The following CDKL5 variants were observed in gnomAD, a reference collection of about 807,000 sequenced individuals.
CDKL5 encodes the protein cyclin dependent kinase like 5, also known as cyclin-dependent kinase-like 5.
CDKL5 carries 8 observed loss-of-function variants against 61.7 expected under a neutral mutation model. The ratio of observed to expected loss-of-function variants is 0.13; its 90% CI spans 0.08 to 0.23. The LOEUF (loss-of-function observed/expected upper bound fraction) is 0.23. Among genes scored for constraint, CDKL5 ranks in the 10% least tolerant of loss-of-function variants. CDKL5 has a pLI of 1.00. For missense variants in CDKL5, 440 were observed against 734.5 expected (o/e 0.60, Z 4.63); for synonymous variants, 275 against 272.3 (o/e 1.01, Z -0.10).
At chrX:18,502,789 ATCC>A (rs1351917972) in intron 1 of CDKL5, among the ~76,000 whole-genome samples, 1 of 111,990 alleles carries the variant, frequency 8.9e-6, no homozygotes, top group African/African-American at 3.2e-5. Context: ...TCAGTAGGGC[ATCC>A]TGCCAGATCC....
At chrX:18,455,481 T>A (rs1325449112) in intron 1 of CDKL5, among the ~76,000 whole-genome samples, 1 of 112,491 alleles carries the variant, frequency 8.9e-6, no homozygotes, top group South Asian at 3.6e-4. Flanking sequence ...AACTAGATAG[T>A]TAACCATTAG....
At chrX:18,622,899 G>A (rs1356917459) in intron 16 of CDKL5, among the ~76,000 whole-genome samples, 1 of 111,938 alleles carries the variant, frequency 8.9e-6, no homozygotes, top group Non-Finnish European at 1.9e-5. Flanking sequence ...CCTGTCATTG[G>A]AACAAGAAAA....
intron 15 of CDKL5, among the ~76,000 whole-genome samples, 169 bp from the exon 16 acceptor site, chrX:18,619,698 A>G (rs1243979312): frequency 8.9e-6 from 1 of 112,028 alleles, no homozygotes; most frequent in African/African-American, 3.2e-5. Flanking sequence ...ACCATGGTTG[A>G]TTAAATTTAG....
intron 14 of CDKL5, among the ~76,000 whole-genome samples, chrX:18,610,295 T>C (rs887988223): frequency 8.9e-6 from 1 of 112,666 alleles, no homozygotes; most frequent in African/African-American, 3.2e-5. Flanking sequence ...TGGCCTGTAA[T>C]GTACTCTTCC....
At chrX:18,444,358 C>T (rs557972519) in intron 1 of CDKL5, among the ~76,000 whole-genome samples, 4 of 111,872 alleles carry the variant, frequency 3.6e-5, no homozygotes, top group African/African-American at 1.3e-4. Flanking sequence ...CTAATTTCCT[C>T]TTTGGCTGTG....
At chrX:18,603,593 A>T (rs750138867) in intron 11 of CDKL5, among the ~76,000 whole-genome samples, 1 of 112,476 alleles carries the variant, frequency 8.9e-6, no homozygotes, top group Non-Finnish European at 1.9e-5. Flanking sequence ...AAACACTCAT[A>T]TGAGTACCAA....
intron 16 of CDKL5, among the ~76,000 whole-genome samples, chrX:18,621,535 G>A (rs1250998881): frequency 1.8e-5 from 2 of 111,652 alleles, no homozygotes; most frequent in Non-Finnish European, 3.8e-5. Flanking sequence ...GTGGCAAGAA[G>A]GTGGGGTTTT....
downstream of CDKL5, chrX:18,641,703 T>C: frequency 3.0e-6 from 1 of 331,530 alleles, no homozygotes; most frequent in Non-Finnish European, 5.4e-6. Flanking sequence ...TTTCACAGTA[T>C]CACTGAGACA....
At chrX:18,576,148 G>A (rs1413805310) in intron 5 of CDKL5, among the ~76,000 whole-genome samples, 1 of 111,702 alleles carries the variant, frequency 9.0e-6, no homozygotes, top group Admixed American at 9.5e-5. Flanking sequence ...TTGGAGAGGG[G>A]CCTGGTGCAG....
intron 1 of CDKL5, among the ~76,000 whole-genome samples, chrX:18,453,696 A>G (rs1365031427): frequency 9.0e-6 from 1 of 111,345 alleles, no homozygotes; most frequent in African/African-American, 3.3e-5. Context: ...GTCCATATAT[A>G]TTTCCTGTCT....
Position 18,636,691 on chromosome X carries a change from A to G in CDKL5, c.*7934A>G, listed in dbSNP as rs1324078443. The G allele has an allele frequency of 2.7e-5, 3 of 111,833 alleles. No individual in the cohort carries two copies. The highest frequency in any genetic ancestry group is 5.6e-5 in the Non-Finnish European group (3 of 53,231). The allele number at this position is 111,833 out of a possible 1,213,427, so 9.2% of individuals were successfully genotyped here. ...AGGTTATATTAAAAACTTTGCCTGA[A>G]GTTTACTCTAGGTGCAGAAATAAAG... On this transcript the variant is annotated 3_prime_UTR_variant, in exon 18 of 18. Transcript: ENST00000623535.
chrX:18,542,495 G>T (rs1276915413), intron 3 of CDKL5, among the ~76,000 whole-genome samples: 1 of 110,677 alleles, frequency 9.0e-6, no homozygotes, highest in Non-Finnish European at 1.9e-5. Context: ...CTCTTTGTCT[G>T]TGCCCATGGG....
chrX:18,643,709 A>T (rs770909709), downstream of CDKL5, among the ~76,000 whole-genome samples: 1 of 111,860 alleles, frequency 8.9e-6, no homozygotes. Flanking sequence ...TCAGCTGTAC[A>T]TGTCTACTTA....
At chrX:18,512,256 T>A (rs1203821824) in intron 3 of CDKL5, among the ~76,000 whole-genome samples, 2 of 111,955 alleles carry the variant, frequency 1.8e-5, no homozygotes, top group African/African-American at 6.5e-5. Context: ...GGTTTTAAGT[T>A]TTTTCGTGAT....
intron 3 of CDKL5, among the ~76,000 whole-genome samples, chrX:18,529,126 A>C (rs1169839794): frequency 3.0e-5 from 3 of 101,605 alleles, no homozygotes; most frequent in South Asian, 4.5e-4. Flanking sequence ...GTTTTAACTG[A>C]CCGTTTTACA....
intron 3 of CDKL5, 56 bp from the exon 4 acceptor site, chrX:18,564,421 C>T (rs1287040656): frequency 1.2e-6 from 1 of 848,863 alleles, no homozygotes; most frequent in Non-Finnish European, 1.7e-6. Flanking sequence ...CAACTGGAAT[C>T]CCCAGTCGGA....
chrX:18,613,913 C>T (rs753359275), intron 15 of CDKL5, among the ~76,000 whole-genome samples: 11 of 111,888 alleles, frequency 9.8e-5, no homozygotes, highest in South Asian at 7.5e-4. Context: ...TTTTTTGTGT[C>T]GCATCTAATA....
At chrX:18,493,724 C>T (rs1400523120) in intron 1 of CDKL5, among the ~76,000 whole-genome samples, 2 of 111,530 alleles carry the variant, frequency 1.8e-5, no homozygotes, top group Non-Finnish European at 1.9e-5. Flanking sequence ...ATCAATCCAG[C>T]AAAATCTAGG....
At chrX:18,551,388 A>G (rs758214734) in intron 3 of CDKL5, among the ~76,000 whole-genome samples, 1 of 108,675 alleles carries the variant, frequency 9.2e-6, no homozygotes, top group African/African-American at 3.3e-5. Context: ...AATAGTTACA[A>G]TGGAGCATAT....
Sources: gnomAD v4.1 joint callset for allele counts (sites outside exome capture counted in the v4.1 genomes callset) on GRCh38, gnomAD v4.1.1 for gene constraint, MANE v1.5 for transcripts, NCBI Gene and HGNC (gene_info 2026-07-23, HGNC 2026-07-21) for gene names.